Variants in CFAP77 observed in about 807,000 individuals in gnomAD.
CFAP77 encodes the protein cilia and flagella associated protein 77.
CFAP77 carries 25 observed loss-of-function variants against 31.1 expected under a neutral mutation model. That is an observed-to-expected ratio of 0.80 (90% CI 0.59 to 1.12). The LOEUF is 1.12. CFAP77 is among the 50% of genes most tolerant of loss of function. The pLI, the probability that CFAP77 is intolerant of heterozygous loss-of-function variation, is 0.00. For missense variants in CFAP77, 377 were observed against 397.3 expected (o/e 0.95, Z 0.44); for synonymous variants, 151 against 159.9 (o/e 0.94, Z 0.42).
chr9:132,457,777 G>C (rs1319077016), intron 1 of CFAP77, among the ~76,000 whole-genome samples: 5 of 152,242 alleles, frequency 3.3e-5, no homozygotes, highest in Admixed American at 6.5e-5. Flanking sequence ...TGCTCTCAAG[G>C]AGGCAGAGAG....
intron 3 of CFAP77, chr9:132,513,304 C>T (rs1852073793): frequency 6.5e-7 from 1 of 1,549,432 alleles, no homozygotes; most frequent in Non-Finnish European, 8.7e-7. Context: ...ACATAACTAA[C>T]TCCCGTGAAC....
chr9:132,520,171 C>T (rs1054634732), intron 3 of CFAP77, among the ~76,000 whole-genome samples: 1 of 151,622 alleles, frequency 6.6e-6, no homozygotes, highest in East Asian at 1.9e-4. Context: ...ATCTCTAGTA[C>T]ATTCATAAAG....
At chr9:132,471,146 T>G (rs904276647) in intron 1 of CFAP77, among the ~76,000 whole-genome samples, 1 of 152,138 alleles carries the variant, frequency 6.6e-6, no homozygotes, top group Non-Finnish European at 1.5e-5. Context: ...AGGCATATGA[T>G]CCAGAGGTTC....
rs1201751689 is a variant in CFAP77 at position 132,497,182 on chromosome 9, C to T, written c.196-1513C>T. Among the ~76,000 whole-genome samples, 1 of 150,772 alleles carries T rather than the reference C, an allele frequency of 6.6e-6. No individual in the cohort carries two copies. Among genetic ancestry groups the T allele is most frequent in the South Asian group, 2.1e-4 (1 of 4,780 alleles). On this transcript the variant is annotated intron_variant, in intron 1 of 5. Coordinates refer to ENST00000393216, the MANE Select transcript of CFAP77 (RefSeq NM_001282957.2). The surrounding 1 kb of genome is among the most constrained non-coding windows in gnomAD (Gnocchi z 4.9). Reference sequence around the variant, plus strand: ...GAGCCTGGGAGGCAAAGCTGCAGGGCTGGGTGGGGTTGGAGGGTGCAGGGC... The same window carrying T: ...GAGCCTGGGAGGCAAAGCTGCAGGGTTGGGTGGGGTTGGAGGGTGCAGGGC...
At chr9:132,458,300 T>C (rs1250665750) in intron 1 of CFAP77, among the ~76,000 whole-genome samples, 3 of 139,514 alleles carry the variant, frequency 2.2e-5, no homozygotes, top group Non-Finnish European at 4.6e-5. Context: ...AAGCTTTTGA[T>C]TTCTTCTTCA....
At chr9:132,478,610 A>G (rs1478120667) in intron 1 of CFAP77, among the ~76,000 whole-genome samples, 1 of 152,176 alleles carries the variant, frequency 6.6e-6, no homozygotes, top group Non-Finnish European at 1.5e-5. Flanking sequence ...GGCCAGGGAC[A>G]AAAAACGCGA....
chr9:132,556,918 G>T (rs921666715), intron 5 of CFAP77, among the ~76,000 whole-genome samples: 9 of 152,158 alleles, frequency 5.9e-5, no homozygotes, highest in African/African-American at 2.2e-4. Context: ...AAAACGGAAG[G>T]CCCCGCGTCT....
chr9:132,429,809 T>A (rs1850381688), intron 1 of CFAP77, among the ~76,000 whole-genome samples: 1 of 151,820 alleles, frequency 6.6e-6, no homozygotes, highest in Non-Finnish European at 1.5e-5. Context: ...TGAGATCGCG[T>A]CACTGCACTC....
At chr9:132,513,571 G>A (rs2118999552) in intron 3 of CFAP77, among the ~76,000 whole-genome samples, 1 of 152,238 alleles carries the variant, frequency 6.6e-6, no homozygotes, top group Middle Eastern at 3.4e-3. Context: ...CCTGTGCCCT[G>A]GAAGTCACTC....
chr9:132,448,414 G>A (rs1850765258), intron 1 of CFAP77, among the ~76,000 whole-genome samples: 1 of 152,138 alleles, frequency 6.6e-6, no homozygotes, highest in African/African-American at 2.4e-5. Flanking sequence ...GGCTCAGGCA[G>A]ACCAGACATT....
rs772628691 is a variant in CFAP77 at position 132,484,852 on chromosome 9, C to CT, written c.196-13828dup. Among the ~76,000 whole-genome samples the CT allele has an allele frequency of 8.7e-3, 1,204 of 138,134 alleles. 24 individuals are homozygous for CT. The highest frequency in any genetic ancestry group is 0.074 in the East Asian group (353 of 4,776). The allele number at this position is 138,134 out of a possible 152,430, so 90.6% of individuals were successfully genotyped here. A position where few individuals can be genotyped will look rare whatever the true frequency, so the allele number is the denominator to read the frequency against. On this transcript the variant is annotated intron_variant, in intron 1 of 5. Transcript: ENST00000393216. ...GGTAATTTCATCTTTAACTTTCTTT[C>CT]TTTTTTTTTTTTTTTAGATGGAGTC...
chr9:132,551,920 G>A (rs1852829274), intron 5 of CFAP77, among the ~76,000 whole-genome samples: 1 of 152,228 alleles, frequency 6.6e-6, no homozygotes, highest in Non-Finnish European at 1.5e-5. Context: ...TGTCCAGAGT[G>A]TCGTGGCCGG....
At chr9:132,468,856 A>G (rs550314526) in intron 1 of CFAP77, among the ~76,000 whole-genome samples, 1 of 152,144 alleles carries the variant, frequency 6.6e-6, no homozygotes, top group Non-Finnish European at 1.5e-5. Flanking sequence ...CTCTCAGCCT[A>G]TGTATACAAA....
intron 3 of CFAP77, among the ~76,000 whole-genome samples, chr9:132,522,956 A>G (rs1161818337): frequency 6.6e-6 from 1 of 152,098 alleles, no homozygotes; most frequent in Non-Finnish European, 1.5e-5. Flanking sequence ...TTTTTCCTCT[A>G]TTCTTTGCAA....
At chr9:132,530,201 G>T (rs1852418101) in intron 3 of CFAP77, among the ~76,000 whole-genome samples, 1 of 136,638 alleles carries the variant, frequency 7.3e-6, no homozygotes, top group Non-Finnish European at 1.5e-5. Flanking sequence ...TTGGGCTCAA[G>T]GAATCCTCCC....
intron 5 of CFAP77, among the ~76,000 whole-genome samples, chr9:132,546,339 G>A (rs1365899764): frequency 1.3e-5 from 2 of 152,174 alleles, no homozygotes; most frequent in Middle Eastern, 3.2e-3. Flanking sequence ...CCCCGGGAGG[G>A]CCTTTGTCTG....
chr9:132,472,711 G>A (rs1851280602), intron 1 of CFAP77, among the ~76,000 whole-genome samples: 1 of 152,196 alleles, frequency 6.6e-6, no homozygotes, highest in African/African-American at 2.4e-5. Flanking sequence ...AGGCTGCAGT[G>A]ATCCATGACT....
At chr9:132,531,586 C>A (rs1852451834) in intron 3 of CFAP77, among the ~76,000 whole-genome samples, 1 of 143,244 alleles carries the variant, frequency 7.0e-6, no homozygotes. Flanking sequence ...TGGAAGGGAC[C>A]TGCGGCCCGG....
chr9:132,477,283 G>A (rs565279323), intron 1 of CFAP77, among the ~76,000 whole-genome samples: 2 of 152,160 alleles, frequency 1.3e-5, no homozygotes, highest in Non-Finnish European at 2.9e-5. Flanking sequence ...AGGTCATAAC[G>A]ACGAGCCTTC....
Sources: gnomAD v4.1 joint callset for allele counts (sites outside exome capture counted in the v4.1 genomes callset) on GRCh38, gnomAD v4.1.1 for gene constraint, Gnocchi (gnomAD v3.1) non-coding constraint, MANE v1.5 for transcripts, NCBI Gene and HGNC (gene_info 2026-07-23, HGNC 2026-07-21) for gene names.